The following NRXN1 variants were observed in gnomAD, a reference collection of about 807,000 sequenced individuals.
NRXN1 encodes neurexin-1.
A neutral mutation model predicts 150.9 loss-of-function variants in NRXN1; 39 were observed. The ratio of observed to expected loss-of-function variants is 0.26; its 90% CI spans 0.20 to 0.34. The LOEUF is 0.34. NRXN1 is among the 10% of genes least tolerant of loss of function. NRXN1 has a pLI of 1.00. For missense variants in NRXN1, 1,815 were observed against 1,949.9 expected, an observed-to-expected ratio of 0.93 and a Z score of 1.30; for synonymous variants, 924 against 757.0, an observed-to-expected ratio of 1.22 and a Z score of -3.62.
At chr2:50,772,009 T>C (rs986204265) in intron 5 of NRXN1, among the ~76,000 whole-genome samples, 15 of 152,030 alleles carry the variant, frequency 9.9e-5, no homozygotes, top group African/African-American at 3.6e-4. Flanking sequence ...TATTAAAACT[T>C]TACCGTCTCC....
intron 5 of NRXN1, among the ~76,000 whole-genome samples, chr2:50,679,790 GT>G (rs1157747507): frequency 6.6e-6 from 1 of 152,028 alleles, no homozygotes; most frequent in Admixed American, 6.6e-5. Flanking sequence ...ATTCTTAAAG[GT>G]TTAATATCCT....
At chr2:50,520,666 A>C (rs2105119452) in intron 12 of NRXN1, among the ~76,000 whole-genome samples, 1 of 152,066 alleles carries the variant, frequency 6.6e-6, no homozygotes, top group African/African-American at 2.4e-5. Flanking sequence ...TGATTGCATA[A>C]AGAATTTCTT....
chr2:50,999,349 C>A (rs968108419), intron 2 of NRXN1, among the ~76,000 whole-genome samples: 2 of 151,972 alleles, frequency 1.3e-5, no homozygotes, highest in African/African-American at 4.8e-5. Context: ...AGGTATGGCC[C>A]CTCCTTTCTC....
At chr2:49,973,397 T>C (rs2152498161) in intron 21 of NRXN1, among the ~76,000 whole-genome samples, 1 of 152,326 alleles carries the variant, frequency 6.6e-6, no homozygotes, top group Middle Eastern at 3.4e-3. Flanking sequence ...ATACGTTTTC[T>C]GTTTTAGCAA....
intron 19 of NRXN1, among the ~76,000 whole-genome samples, chr2:50,073,048 T>C (rs1348760748): frequency 1.3e-5 from 2 of 152,242 alleles, no homozygotes; most frequent in African/African-American, 2.4e-5. Context: ...TTCTGCTCTC[T>C]TTTGATGTTC....
At chr2:49,924,181 AG>A (rs1322182402) in intron 22 of NRXN1, among the ~76,000 whole-genome samples, 4 of 152,208 alleles carry the variant, frequency 2.6e-5, no homozygotes, top group African/African-American at 9.6e-5. Flanking sequence ...TGGTGTCTCA[AG>A]AGCTAAAAAG....
intron 18 of NRXN1, among the ~76,000 whole-genome samples, chr2:50,095,458 T>G (rs545153569): frequency 6.6e-6 from 1 of 152,308 alleles, no homozygotes; most frequent in South Asian, 2.1e-4. Context: ...TTCTTGCAGT[T>G]TCCTACTTAT....
chr2:50,216,642 TA>T (rs976222141), intron 18 of NRXN1, among the ~76,000 whole-genome samples: 14 of 149,932 alleles, frequency 9.3e-5, no homozygotes, highest in South Asian at 4.2e-4. Flanking sequence ...AGCCATTATT[TA>T]AAAAAAAAAT....
chr2:50,925,885 C>T (rs1686794316), intron 3 of NRXN1, 53 bp downstream of exon 3: 7 of 1,425,380 alleles, frequency 4.9e-6, no homozygotes, highest in Middle Eastern at 1.8e-4. Context: ...CCTATTAGTA[C>T]TAAGAAATAA....
At chr2:50,007,400 G>A (rs538869706) in intron 21 of NRXN1, among the ~76,000 whole-genome samples, 10 of 152,056 alleles carry the variant, frequency 6.6e-5, no homozygotes, top group African/African-American at 2.4e-4. Context: ...CCCCTCGACA[G>A]GCCCTGGTAT....
intron 13 of NRXN1, among the ~76,000 whole-genome samples, chr2:50,504,959 C>T (rs544600632): frequency 2.2e-4 from 33 of 152,282 alleles, no homozygotes; most frequent in Non-Finnish European, 4.4e-4. Context: ...TTATCAATTG[C>T]TTTAAACAAT....
At chr2:51,001,232 G>GC (rs1700017797) in intron 2 of NRXN1, among the ~76,000 whole-genome samples, 1 of 117,118 alleles carries the variant, frequency 8.5e-6, no homozygotes, top group Non-Finnish European at 1.7e-5. Flanking sequence ...GATTCATGGG[G>GC]TTGGGGGGGG....
At position 50,079,151 on chromosome 2, in the gene NRXN1, C is replaced by T. The variant is rs184051891; in HGVS notation, c.3718+12172G>A. On this transcript the variant is annotated intron_variant, in intron 19 of 22. Coordinates refer to ENST00000401669, the MANE Select transcript of NRXN1 (RefSeq NM_001330078.2). ...TATGGGTTCATAGATGTTTATTTTA[C>T]TCTTTTGGTTATAATCAAATGACAT... Among the ~76,000 whole-genome samples the T allele has an allele frequency of 7.2e-5, 11 of 151,942 alleles. No homozygotes were observed. In the East Asian group the frequency reaches 1.7e-3, roughly 24 times the overall value.
chr2:51,010,994 A>C (rs1328955128), intron 2 of NRXN1, among the ~76,000 whole-genome samples: 1 of 151,876 alleles, frequency 6.6e-6, no homozygotes, highest in Non-Finnish European at 1.5e-5. Context: ...GGCTGGTCTC[A>C]AACTCCTGGC....
intron 5 of NRXN1, among the ~76,000 whole-genome samples, chr2:50,697,508 T>C (rs146593438): frequency 6.6e-6 from 1 of 152,176 alleles, no homozygotes; most frequent in Non-Finnish European, 1.5e-5. Flanking sequence ...ATTGGTTTTG[T>C]CAGTTGTACC....
intron 5 of NRXN1, among the ~76,000 whole-genome samples, chr2:50,835,106 C>T (rs966032758): frequency 2.6e-5 from 4 of 152,172 alleles, no homozygotes; most frequent in African/African-American, 9.7e-5. Flanking sequence ...TTCAAAACTG[C>T]TTTCAGATGG....
At chr2:50,981,697 G>A (rs891983807) in intron 2 of NRXN1, among the ~76,000 whole-genome samples, 9 of 151,752 alleles carry the variant, frequency 5.9e-5, no homozygotes, top group Non-Finnish European at 1.3e-4. Context: ...ACAGCTTTTG[G>A]CTCAGAAATT....
chr2:50,737,157 G>A (rs572545833), intron 5 of NRXN1, among the ~76,000 whole-genome samples: 1 of 152,122 alleles, frequency 6.6e-6, no homozygotes, highest in Middle Eastern at 3.4e-3. Flanking sequence ...TACTTGGGAG[G>A]CTGAGGCAGC....
chr2:50,722,711 C>T (rs1171908586), intron 5 of NRXN1, among the ~76,000 whole-genome samples: 8 of 152,156 alleles, frequency 5.3e-5, no homozygotes, highest in Admixed American at 5.2e-4. Context: ...ACATTCAATA[C>T]AGTTTAAAAC....
Sources: gnomAD v4.1 joint callset for allele counts (sites outside exome capture counted in the v4.1 genomes callset) on GRCh38, gnomAD v4.1.1 for gene constraint, MANE v1.5 for transcripts, NCBI Gene and HGNC (gene_info 2026-07-23, HGNC 2026-07-21) for gene names.